AMPH: variants seen among roughly 807,000 people sequenced by gnomAD.
AMPH encodes amphiphysin.
AMPH carries 49 observed loss-of-function variants against 99.1 expected under a neutral mutation model. The observed-to-expected ratio is 0.49, with a 90% CI of 0.39 to 0.63. The LOEUF is 0.63. Ranked by LOEUF, AMPH falls within the 20% of genes least tolerant of loss-of-function variation. The pLI, the probability that AMPH is intolerant of heterozygous loss-of-function variation, is 0.00. For missense variants in AMPH, 759 were observed against 863.4 expected (o/e 0.88, Z 1.52); for synonymous variants, 314 against 317.3 (o/e 0.99, Z 0.11).
intron 2 of AMPH, among the ~76,000 whole-genome samples, chr7:38,514,619 T>G (rs2129031746): frequency 6.6e-6 from 1 of 152,288 alleles, no homozygotes; most frequent in African/African-American, 2.4e-5. Context: ...AGTGGCCTAG[T>G]TATCATGGGA....
chr7:38,479,466 G>A (rs536636562), intron 5 of AMPH, among the ~76,000 whole-genome samples: 1 of 151,886 alleles, frequency 6.6e-6, no homozygotes, highest in South Asian at 2.1e-4. Flanking sequence ...TACCAGAAAT[G>A]ATAAAAATCA....
chr7:38,437,625 C>CAAAAAAAAAAAAAA (rs70977404), intron 11 of AMPH, among the ~76,000 whole-genome samples: 1 of 94,860 alleles, frequency 1.1e-5, no homozygotes, highest in African/African-American at 4.3e-5. Flanking sequence ...ACTAAAAATA[C>CAAAAAAAAAAAAAA]AAAAAAAAAA....
chr7:38,520,292 T>C (rs1789908113), intron 2 of AMPH, among the ~76,000 whole-genome samples: 1 of 152,244 alleles, frequency 6.6e-6, no homozygotes, highest in Non-Finnish European at 1.5e-5. Context: ...ATCCTCTTAA[T>C]ATAGTGATGA....
chr7:38,417,071 A>G (rs1215825750), intron 17 of AMPH, among the ~76,000 whole-genome samples: 1 of 152,184 alleles, frequency 6.6e-6, no homozygotes, highest in Non-Finnish European at 1.5e-5. Context: ...AAATTGTTGG[A>G]AGACATTTTT....
At chr7:38,626,446 A>C (rs2129072712) in intron 1 of AMPH, among the ~76,000 whole-genome samples, 1 of 152,352 alleles carries the variant, frequency 6.6e-6, no homozygotes, top group Admixed American at 6.5e-5. Flanking sequence ...CAATGGGGAA[A>C]GGAGTCCCTA....
At chr7:38,534,871 A>G in intron 2 of AMPH, 60 bp downstream of exon 2, 1 of 1,440,106 alleles carries the variant, frequency 6.9e-7, no homozygotes, top group South Asian at 1.2e-5. Flanking sequence ...TTACTTACAT[A>G]CTAAGACACA....
intron 1 of AMPH, among the ~76,000 whole-genome samples, chr7:38,562,106 A>T (rs1791575814): frequency 6.6e-6 from 1 of 152,150 alleles, no homozygotes; most frequent in Non-Finnish European, 1.5e-5. Context: ...GGAAGAAAAA[A>T]GTCATTTCAT....
At chr7:38,469,249 A>G (rs1430869189) in intron 7 of AMPH, among the ~76,000 whole-genome samples, 2 of 151,392 alleles carry the variant, frequency 1.3e-5, no homozygotes, top group Non-Finnish European at 2.9e-5. Context: ...ATCTGCTTAA[A>G]AGTTTCATTT....
intron 1 of AMPH, among the ~76,000 whole-genome samples, chr7:38,565,014 C>T (rs1791683172): frequency 6.6e-6 from 1 of 151,618 alleles, no homozygotes; most frequent in Admixed American, 6.6e-5. Context: ...GTCCCAGCTA[C>T]TCGGGAGGCT....
rs113229994 is a variant in AMPH at position 38,495,239 on chromosome 7, C to T, written c.206-712G>A. On this transcript the variant is annotated intron_variant, in intron 3 of 20. Transcript: ENST00000356264. ...AGTTAAGTTACCAGGACATATTTTTCGTCACAGACACATCACAAAACTTCT... is the reference window on the plus strand; with the variant it reads ...AGTTAAGTTACCAGGACATATTTTTTGTCACAGACACATCACAAAACTTCT... 4.3e-3 allele frequency among the ~76,000 whole-genome samples: 649 copies of T among 152,232 alleles called. 4 individuals carry two copies. Among genetic ancestry groups the T allele is most frequent in the Middle Eastern group, 0.017 (5 of 294 alleles).
Position 38,555,089 on chromosome 7 carries a change from G to A in AMPH, c.70-20078C>T, listed in dbSNP as rs73692773. ...AAGTGGTGAGCACAACTTGGCCATG[G>A]CATTTGAGGTCCACAGTCCCATGTC... On this transcript the variant is annotated intron_variant, in intron 1 of 20. Transcript: ENST00000356264. 8.2e-3 allele frequency among the ~76,000 whole-genome samples: 1,247 copies of A among 152,258 alleles called. 26 individuals carry two copies. The highest frequency in any genetic ancestry group is 0.028 in the African/African-American group (1,169 of 41,536).
At chr7:38,605,239 T>C (rs1459598746) in intron 1 of AMPH, among the ~76,000 whole-genome samples, 1 of 151,924 alleles carries the variant, frequency 6.6e-6, no homozygotes, top group East Asian at 1.9e-4. Flanking sequence ...GAGGGGAACA[T>C]GGGCTAAAGT....
chr7:38,507,004 G>A (rs186836823), intron 2 of AMPH, among the ~76,000 whole-genome samples: 1 of 152,298 alleles, frequency 6.6e-6, no homozygotes, highest in East Asian at 1.9e-4. Context: ...GAGTCACCAG[G>A]ATTGCTCAGA....
At chr7:38,601,316 A>G (rs1338561578) in intron 1 of AMPH, among the ~76,000 whole-genome samples, 1 of 152,226 alleles carries the variant, frequency 6.6e-6, no homozygotes, top group African/African-American at 2.4e-5. Flanking sequence ...GTGTCTGACT[A>G]CACTTCTTTC....
chr7:38,500,455 G>T (rs1336814222), intron 3 of AMPH, among the ~76,000 whole-genome samples: 1 of 152,120 alleles, frequency 6.6e-6, no homozygotes, highest in African/African-American at 2.4e-5. Flanking sequence ...TGCCAGAAAG[G>T]CTTATCTGAT....
At position 38,391,786 on chromosome 7, in the gene AMPH, C is replaced by A; in HGVS notation, c.1840G>T (p.Glu614Ter). 1.9e-6 allele frequency: 3 copies of A among 1,613,942 alleles called. No homozygotes were observed. Among genetic ancestry groups the A allele is most frequent in the Non-Finnish European group, 2.5e-6 (3 of 1,179,980 alleles). ...GAADQLASAR[E>*]ASQELPPGFL... The stretch of plus-strand genomic sequence containing the variant: ...CCAGGAGGCAATTCCTGAGAGGCCT[C>A]CCTTGCAGATGCTAGCTGGTCAGCA... Residue 614 changes from glutamate (E) to a stop codon, truncating the protein, a stop_gained, in exon 19 of 21, where the codon GAG becomes TAG. Coordinates refer to ENST00000356264, the MANE Select transcript of AMPH (RefSeq NM_001635.4). LOFTEE classifies it high-confidence loss of function.
chr7:38,526,532 T>C (rs1227356603), intron 2 of AMPH, among the ~76,000 whole-genome samples: 2 of 145,514 alleles, frequency 1.4e-5, no homozygotes, highest in African/African-American at 5.0e-5. Flanking sequence ...TACTTCGGCC[T>C]CCCAAAGTTC....
chr7:38,547,372 G>A (rs10499602), intron 1 of AMPH, among the ~76,000 whole-genome samples: 37,581 of 152,046 alleles, frequency 0.25, 5,150 homozygotes, highest in Non-Finnish European at 0.31. Context: ...ATCACTGTGC[G>A]TTACGGTGTA....
At chr7:38,629,678 C>T (rs1794385011) in intron 1 of AMPH, among the ~76,000 whole-genome samples, 1 of 152,294 alleles carries the variant, frequency 6.6e-6, no homozygotes, top group South Asian at 2.1e-4. Flanking sequence ...AAGCCTCAGA[C>T]CGAAGAGTCA....
Sources: allele counts gnomAD v4.1 joint callset (sites outside exome capture counted in the v4.1 genomes callset), GRCh38; gene constraint gnomAD v4.1.1; transcripts MANE v1.5; gene names NCBI Gene and HGNC (gene_info 2026-07-23, HGNC 2026-07-21).